Variants in KRAS observed in about 807,000 individuals in gnomAD.
KRAS encodes the protein KRas proto-oncogene, GTPase.
Under a neutral mutation model 21.0 loss-of-function variants are expected in KRAS, and 1 was observed. The ratio of observed to expected loss-of-function variants is 0.05; its 90% CI spans 0.02 to 0.23. The LOEUF (loss-of-function observed/expected upper bound fraction) is 0.23. Ranked by LOEUF, KRAS falls within the 10% of genes least tolerant of loss-of-function variation. The probability of loss-of-function intolerance (pLI) is 1.00; values close to 1 mark genes in which losing one functional copy is unlikely to be tolerated. For synonymous variants in KRAS, 67 were observed against 72.5 expected (o/e 0.92, Z 0.39); for missense variants, 107 against 221.8 (o/e 0.48, Z 3.29).
intron 2 of KRAS, among the ~76,000 whole-genome samples, chr12:25,228,804 C>A (rs1032812338): frequency 1.3e-5 from 2 of 152,124 alleles, no homozygotes; most frequent in African/African-American, 4.8e-5. Flanking sequence ...CTCACACTTG[C>A]AATCCCAACA....
Position 25,209,116 on chromosome 12 carries a change from TTATC to T in KRAS, c.*675_*678del. The T allele has an allele frequency of 1.9e-6, 1 of 538,256 alleles. No homozygotes were observed. Among genetic ancestry groups the T allele is most frequent in the Non-Finnish European group, 3.3e-6 (1 of 305,672 alleles). The allele number at this position is 538,256 out of a possible 1,614,324, so 33.3% of individuals were successfully genotyped here. A position where few individuals can be genotyped will look rare whatever the true frequency, so the allele number is the denominator to read the frequency against. On this transcript the variant is annotated 3_prime_UTR_variant, in exon 5 of 5. Coordinates refer to ENST00000311936, the MANE Select transcript of KRAS (RefSeq NM_004985.5). ...AGCTATTAGGAGTCTTTATAGTAAT[TTATC>T]TAATGTGAAAAGGAAATGGCCTTAT...
rs2141506585 is a variant in KRAS at position 25,225,779 on chromosome 12, A to G, written c.291-6T>C. ...TAACTCTTTTAATTTGTTCTCTGGGAAAGAAAAAAAAGTTATAGCACAGTC... is the reference window on the plus strand; with the variant it reads ...TAACTCTTTTAATTTGTTCTCTGGGGAAGAAAAAAAAGTTATAGCACAGTC... On this transcript the variant is annotated splice_region_variant and splice_polypyrimidine_tract_variant and intron_variant, in intron 3 of 4. Transcript: ENST00000311936. 1 of 1,611,014 alleles carries G rather than the reference A, an allele frequency of 6.2e-7. No individual in the cohort carries two copies. The highest frequency in any genetic ancestry group is 8.5e-7 in the Non-Finnish European group (1 of 1,178,418).
rs1951159365 is a variant in KRAS at position 25,208,106 on chromosome 12, T to TTGTGCTGAGCTTGACAAATAAG, written c.*1667_*1688dup. 4.3e-6 allele frequency: 1 copy of TTGTGCTGAGCTTGACAAATAAG among 233,426 alleles called. No homozygotes were observed. Among genetic ancestry groups the TTGTGCTGAGCTTGACAAATAAG allele is most frequent in the Non-Finnish European group, 8.5e-6 (1 of 117,974 alleles). 14.5% of individuals were successfully genotyped at this position (233,426 alleles called of 1,614,324 possible). On this transcript the variant is annotated 3_prime_UTR_variant, in exon 5 of 5. Coordinates refer to ENST00000311936, the MANE Select transcript of KRAS (RefSeq NM_004985.5). ...GTAACATAGGTTAAAAATTTACAGA[T>TTGTGCTGAGCTTGACAAATAAG]TGTGCTGAGCTTGACAAATAAGTGT...
intron 2 of KRAS, among the ~76,000 whole-genome samples, chr12:25,228,278 C>T (rs763648974): frequency 1.1e-4 from 15 of 138,878 alleles, no homozygotes; most frequent in Middle Eastern, 4.6e-3. Flanking sequence ...GGCCACCCAA[C>T]GTGTTGGGAT....
At chr12:25,235,956 C>T (rs147410906) in intron 2 of KRAS, among the ~76,000 whole-genome samples, 1 of 152,144 alleles carries the variant, frequency 6.6e-6, no homozygotes, top group Non-Finnish European at 1.5e-5. Flanking sequence ...ACGGTTCACG[C>T]TCCTATTAGA....
chr12:25,217,975 T>G (rs1232718403), intron 4 of KRAS, among the ~76,000 whole-genome samples: 1 of 152,164 alleles, frequency 6.6e-6, no homozygotes, highest in Non-Finnish European at 1.5e-5. Context: ...TTTACCTTTG[T>G]CTTGAAAAAA....
intron 2 of KRAS, among the ~76,000 whole-genome samples, chr12:25,244,810 T>C (rs780962962): frequency 2.6e-5 from 4 of 152,116 alleles, no homozygotes; most frequent in African/African-American, 4.8e-5. Context: ...ATTTATCCGG[T>C]AGTTGTAGGT....
At chr12:25,235,803 A>C (rs1951537951) in intron 2 of KRAS, among the ~76,000 whole-genome samples, 1 of 152,120 alleles carries the variant, frequency 6.6e-6, no homozygotes. Context: ...GGCATCAGGG[A>C]CCAGTTTCGT....
chr12:25,209,175 C>T lies in KRAS; in HGVS notation c.*620G>A. On this transcript the variant is annotated 3_prime_UTR_variant, in exon 5 of 5. Coordinates refer to ENST00000311936, the MANE Select transcript of KRAS (RefSeq NM_004985.5). Reference sequence around the variant, plus strand: ...GTTTCCATTGCCTTGTAATTTTTTTCCATTTTTTTCTTTTTATAGAAAAAA... The same window carrying T: ...GTTTCCATTGCCTTGTAATTTTTTTTCATTTTTTTCTTTTTATAGAAAAAA... 1 of 659,040 alleles carries T rather than the reference C, an allele frequency of 1.5e-6. No homozygotes were observed. Among genetic ancestry groups the T allele is most frequent in the Admixed American group, 2.3e-5 (1 of 43,670 alleles). 40.8% of individuals were successfully genotyped at this position (659,040 alleles called of 1,614,324 possible). A position where few individuals can be genotyped will look rare whatever the true frequency, so the allele number is the denominator to read the frequency against.
At chr12:25,243,588 T>C (rs777429551) in intron 2 of KRAS, among the ~76,000 whole-genome samples, 10 of 152,224 alleles carry the variant, frequency 6.6e-5, no homozygotes, top group East Asian at 3.8e-4. Flanking sequence ...TATACTCATA[T>C]AGCACTCATG....
intron 4 of KRAS, chr12:25,215,680 C>T: frequency 1.3e-6 from 1 of 786,622 alleles, no homozygotes; most frequent in East Asian, 2.5e-5. Context: ...TTTAAACAGA[C>T]ATCAGACTGT....
At chr12:25,242,342 C>T (rs976700790) in intron 2 of KRAS, among the ~76,000 whole-genome samples, 11 of 152,000 alleles carry the variant, frequency 7.2e-5, no homozygotes, top group Non-Finnish European at 2.9e-5. Flanking sequence ...TCTGTAACTA[C>T]CTACATTTTT....
In KRAS at chr12:25,206,176, C is replaced by T. The variant is rs1951136851; in HGVS notation, c.*3619G>A. ...GCAAACTGTAACTTAACATGCCCCA[C>T]AAAGTTTCTATGTATATATTAGGAC... On this transcript the variant is annotated 3_prime_UTR_variant, in exon 5 of 5. Transcript: ENST00000311936. 1 of 216,182 alleles carries T rather than the reference C, an allele frequency of 4.6e-6. No homozygotes were observed. Among genetic ancestry groups the T allele is most frequent in the Admixed American group, 5.8e-5 (1 of 17,158 alleles). 13.4% of individuals were successfully genotyped at this position (216,182 alleles called of 1,614,324 possible).
chr12:25,233,512 C>T (rs1263496768), intron 2 of KRAS, among the ~76,000 whole-genome samples: 5 of 151,610 alleles, frequency 3.3e-5, no homozygotes, highest in Admixed American at 2.0e-4. Flanking sequence ...AATGAATGAA[C>T]GAAGGTAGGT....
chr12:25,224,472 A>G (rs968110203), intron 4 of KRAS, among the ~76,000 whole-genome samples: 1 of 152,190 alleles, frequency 6.6e-6, no homozygotes, highest in Non-Finnish European at 1.5e-5. Flanking sequence ...AAAAGCTTAC[A>G]GAATAAAGAT....
At chr12:25,246,624 A>G (rs749954721) in intron 1 of KRAS, among the ~76,000 whole-genome samples, 2 of 152,116 alleles carry the variant, frequency 1.3e-5, no homozygotes, top group African/African-American at 2.4e-5. Context: ...AGCTGTTAAG[A>G]GATGCAAGTG....
intron 4 of KRAS, among the ~76,000 whole-genome samples, chr12:25,220,779 C>T (rs979730249): frequency 3.3e-5 from 5 of 150,906 alleles, no homozygotes; most frequent in African/African-American, 1.2e-4. Context: ...AATCCCAGCA[C>T]ACTGGGAGGC....
At chr12:25,248,252 G>A (rs904929320) in intron 1 of KRAS, among the ~76,000 whole-genome samples, 5 of 152,188 alleles carry the variant, frequency 3.3e-5, no homozygotes, top group African/African-American at 1.2e-4. Context: ...CCTGAGGTCA[G>A]GAGGTCGAGA....
chr12:25,225,439 G>A, intron 4 of KRAS, 175 bp downstream of exon 4: 1 of 594,842 alleles, frequency 1.7e-6, no homozygotes, highest in Non-Finnish European at 2.9e-6. Flanking sequence ...AAAGCCAAAA[G>A]CAGTACCATG....
Sources: gnomAD v4.1 joint callset for allele counts (sites outside exome capture counted in the v4.1 genomes callset) on GRCh38, gnomAD v4.1.1 for gene constraint, MANE v1.5 for transcripts, NCBI Gene and HGNC (gene_info 2026-07-23, HGNC 2026-07-21) for gene names.